ADAMTS9: variants seen among roughly 807,000 people sequenced by gnomAD.
ADAMTS9 encodes A disintegrin and metalloproteinase with thrombospondin motifs 9.
ADAMTS9 carries 107 observed loss-of-function variants against 257.1 expected under a neutral mutation model. The observed-to-expected ratio is 0.42, with a 90% CI of 0.36 to 0.49. The LOEUF (loss-of-function observed/expected upper bound fraction) is 0.49, where lower values mean the gene tolerates loss of function less well. ADAMTS9 is among the 20% of genes least tolerant of loss of function. ADAMTS9 has a pLI of 0.03. For synonymous variants in ADAMTS9, 982 were observed against 880.9 expected, an observed-to-expected ratio of 1.11 and a Z score of -2.03; for missense variants, 2,353 against 2,469.1, an observed-to-expected ratio of 0.95 and a Z score of 1.00.
intron 22 of ADAMTS9, among the ~76,000 whole-genome samples, chr3:64,611,200 T>G (rs1202597729): frequency 1.3e-5 from 2 of 151,556 alleles, no homozygotes; most frequent in Non-Finnish European, 2.9e-5. Flanking sequence ...GAAATAAATA[T>G]TCATAGCAGC....
intron 16 of ADAMTS9, among the ~76,000 whole-genome samples, chr3:64,627,033 C>T (rs984494880): frequency 6.6e-6 from 1 of 152,152 alleles, no homozygotes; most frequent in African/African-American, 2.4e-5. Context: ...GTGCTGTCAA[C>T]AAAATCACCC....
chr3:64,622,319 C>T lies in ADAMTS9; in HGVS notation c.2565G>A (p.Ser855=), dbSNP rs566214450. Residue 855 remains serine (S), a synonymous_variant, in exon 18 of 40, where the codon TCG becomes TCA. Coordinates refer to ENST00000498707, the MANE Select transcript of ADAMTS9 (RefSeq NM_182920.2). ...CATCGGGGTTGTACAACTTTCCCAC[C>T]GACAAAACCTAGAATGTGTGGACAA... ...IEQELLLQVL[S]VGKLYNPDVR... 45 of 1,613,382 alleles carry T rather than the reference C, an allele frequency of 2.8e-5. No individual in the cohort carries two copies. Among genetic ancestry groups the T allele is most frequent in the South Asian group, 2.7e-4 (25 of 91,006 alleles).
At chr3:64,623,184 C>A in intron 16 of ADAMTS9, among the ~76,000 whole-genome samples, 1 of 152,164 alleles carries the variant, frequency 6.6e-6, no homozygotes, top group Non-Finnish European at 1.5e-5. Context: ...TATGTGTCAT[C>A]CCCTCCCACA....
chr3:64,574,227 A>G (rs897894189), intron 28 of ADAMTS9, among the ~76,000 whole-genome samples: 1 of 152,214 alleles, frequency 6.6e-6, no homozygotes, highest in Admixed American at 6.5e-5. Context: ...CCTGAAAATC[A>G]TACTAGCTAC....
chr3:64,543,453 C>A (rs994850334), intron 32 of ADAMTS9, among the ~76,000 whole-genome samples: 15 of 152,208 alleles, frequency 9.9e-5, no homozygotes, highest in African/African-American at 3.6e-4. Flanking sequence ...GGATGCAAGG[C>A]TGGTTCAACA....
Position 64,546,119 on chromosome 3 carries a change from T to A in ADAMTS9, c.5064+639A>T, listed in dbSNP as rs527844854. Among the ~76,000 whole-genome samples, 35 of 152,380 alleles carry A rather than the reference T, an allele frequency of 2.3e-4. 1 individual carries two copies. The highest frequency in any genetic ancestry group is 8.3e-4 in the South Asian group (4 of 4,830). ...GAGTATCAGATTTTAAGCATTTTTT[T>A]AAAACAAATTTGCAGTAAAATATAT... On this transcript the variant is annotated intron_variant, in intron 32 of 39. Coordinates refer to ENST00000498707, the MANE Select transcript of ADAMTS9 (RefSeq NM_182920.2).
intron 38 of ADAMTS9, among the ~76,000 whole-genome samples, chr3:64,523,963 G>A (rs1206370366): frequency 6.6e-6 from 1 of 152,130 alleles, no homozygotes; most frequent in Non-Finnish European, 1.5e-5. Context: ...TTTCTCAATG[G>A]ATTGTACCTA....
chr3:64,575,324 A>G (rs2083811851), intron 28 of ADAMTS9, among the ~76,000 whole-genome samples: 1 of 152,198 alleles, frequency 6.6e-6, no homozygotes, highest in Non-Finnish European at 1.5e-5. Context: ...GTTGTGCCCA[A>G]GGTCACACAG....
chr3:64,633,677 A>G, intron 13 of ADAMTS9, 21 bp downstream of exon 13: 1 of 1,613,590 alleles, frequency 6.2e-7, no homozygotes, highest in Non-Finnish European at 8.5e-7. Flanking sequence ...AACGGTGAAC[A>G]GATACACCAG....
At chr3:64,664,798 T>C (rs1312617868) in intron 3 of ADAMTS9, among the ~76,000 whole-genome samples, 1 of 152,106 alleles carries the variant, frequency 6.6e-6, no homozygotes, top group South Asian at 2.1e-4. Flanking sequence ...AGCCGCAGAG[T>C]TGCTAGGTCA....
intron 30 of ADAMTS9, among the ~76,000 whole-genome samples, chr3:64,552,730 A>T (rs1437432755): frequency 6.6e-6 from 1 of 151,896 alleles, no homozygotes; most frequent in Non-Finnish European, 1.5e-5. Context: ...GCTTATTTTT[A>T]AATTTTTTGT....
intron 24 of ADAMTS9, 58 bp from the exon 25 acceptor site, chr3:64,604,147 A>G: frequency 3.7e-6 from 6 of 1,604,068 alleles, no homozygotes; most frequent in Non-Finnish European, 5.1e-6. Flanking sequence ...CTTACTGGAC[A>G]GTAGCCCACT....
intron 12 of ADAMTS9, among the ~76,000 whole-genome samples, chr3:64,635,998 C>A (rs1576144965): frequency 6.6e-6 from 1 of 152,068 alleles, no homozygotes; most frequent in African/African-American, 2.4e-5. Flanking sequence ...TTTAGATGTC[C>A]CAGCTGACTA....
At chr3:64,669,496 C>G (rs146331415) in intron 3 of ADAMTS9, among the ~76,000 whole-genome samples, 1 of 152,144 alleles carries the variant, frequency 6.6e-6, no homozygotes, top group South Asian at 2.1e-4. Flanking sequence ...GGCCTTGATC[C>G]TCTTATCCAT....
rs1374069618 is a variant in ADAMTS9 at position 64,541,367 on chromosome 3, T to G, written c.5340A>C (p.Thr1780=). The G allele has an allele frequency of 3.1e-6, 5 of 1,614,054 alleles. No homozygotes were observed. The African/African-American group carries it at 5.3e-5, about 17-fold the overall frequency. ...MHSDHPKEYV[T]LVHGDSENFS... ...AATTCTCAGAGTCTCCATGCACCAG[T>G]GTCACGTACTCTTTGGGGTGGTCAG... is the stretch of plus-strand genomic sequence containing the variant. Residue 1780 remains threonine (T), a synonymous_variant, in exon 35 of 40, where the codon ACA becomes ACC. Coordinates refer to ENST00000498707, the MANE Select transcript of ADAMTS9 (RefSeq NM_182920.2).
chr3:64,551,411 G>T (rs1328550056), intron 30 of ADAMTS9, among the ~76,000 whole-genome samples: 1 of 152,006 alleles, frequency 6.6e-6, no homozygotes, highest in Non-Finnish European at 1.5e-5. Context: ...GGGTTTCACA[G>T]TATTAGCCAG....
At chr3:64,632,365 C>T (rs1370847827) in intron 14 of ADAMTS9, among the ~76,000 whole-genome samples, 1 of 152,212 alleles carries the variant, frequency 6.6e-6, no homozygotes, top group East Asian at 1.9e-4. Context: ...CTGCTGTCCA[C>T]TCCAGACTAT....
intron 29 of ADAMTS9, chr3:64,565,728 T>C (rs1482598945): frequency 6.6e-6 from 1 of 152,246 alleles, no homozygotes; most frequent in African/African-American, 2.4e-5. Flanking sequence ...AAGAACTTGA[T>C]GCTAATTTTT....
intron 2 of ADAMTS9, among the ~76,000 whole-genome samples, chr3:64,683,158 G>C (rs992691394): frequency 6.6e-6 from 1 of 152,138 alleles, no homozygotes; most frequent in Admixed American, 6.5e-5. Context: ...ACAAATCAGA[G>C]AGCATATCAC....
Sources: gnomAD v4.1 joint callset for allele counts (sites outside exome capture counted in the v4.1 genomes callset) on GRCh38, gnomAD v4.1.1 for gene constraint, MANE v1.5 for transcripts, NCBI Gene and HGNC (gene_info 2026-07-23, HGNC 2026-07-21) for gene names.